TXNDC5: variants seen among roughly 807,000 people sequenced by gnomAD.
TXNDC5 encodes thioredoxin domain-containing protein 5.
A neutral mutation model predicts 52.6 loss-of-function variants in TXNDC5; 44 were observed. The ratio of observed to expected loss-of-function variants is 0.84; its 90% CI spans 0.66 to 1.08. The LOEUF (loss-of-function observed/expected upper bound fraction) is 1.08, where lower values mean the gene tolerates loss of function less well. Ranked by LOEUF, TXNDC5 falls within the 50% of genes least tolerant of loss-of-function variation. The pLI is 0.00. For missense variants in TXNDC5, 600 were observed against 565.5 expected (o/e 1.06, Z -0.62); for synonymous variants, 241 against 234.4 (o/e 1.03, Z -0.26).
intron 7 of TXNDC5, among the ~76,000 whole-genome samples, chr6:7,888,275 G>A (rs902055355): frequency 6.6e-6 from 1 of 152,152 alleles, no homozygotes; most frequent in Non-Finnish European, 1.5e-5. Flanking sequence ...TTGGCTACAG[G>A]TCTTCTAGGG....
chr6:7,894,781 C>G, intron 4 of TXNDC5: 1 of 985,442 alleles, frequency 1.0e-6, no homozygotes. Flanking sequence ...TGCAGTATCT[C>G]CAAAGTGCAA....
In TXNDC5 at chr6:7,883,168, C is replaced by CAGGACAAAG. The variant is rs1759828584; in HGVS notation, c.1266_1274dup (p.Phe423_Leu425dup). 1 of 1,614,180 alleles carries CAGGACAAAG rather than the reference C, an allele frequency of 6.2e-7. No homozygotes were observed. Among genetic ancestry groups the CAGGACAAAG allele is most frequent in the East Asian group, 2.2e-5 (1 of 44,884 alleles). On this transcript the variant is annotated inframe_insertion, in exon 10 of 10. Coordinates refer to ENST00000379757, the MANE Select transcript of TXNDC5 (RefSeq NM_030810.5). ...CCTAAAGTTCGTCTTTCGCTTGGCT[C>CAGGACAAAG]AGGACAAAGCGGTGTAACGAGTCAA...
intron 3 of TXNDC5, among the ~76,000 whole-genome samples, chr6:7,899,367 C>A (rs574377175): frequency 6.6e-6 from 1 of 152,182 alleles, no homozygotes; most frequent in Non-Finnish European, 1.5e-5. Flanking sequence ...CTTTTGTGCA[C>A]ATTTAGGTAT....
chr6:7,901,207 T>A (rs193142576), intron 2 of TXNDC5, among the ~76,000 whole-genome samples: 2 of 152,150 alleles, frequency 1.3e-5, no homozygotes, highest in Admixed American at 6.5e-5. Flanking sequence ...TTCAACATGA[T>A]AAGCAACTGC....
chr6:7,903,126 G>A (rs892654631), intron 2 of TXNDC5, among the ~76,000 whole-genome samples: 7 of 152,190 alleles, frequency 4.6e-5, no homozygotes, highest in African/African-American at 1.7e-4. Flanking sequence ...CACCCCTGCT[G>A]CCCCTGAACT....
Position 7,891,688 on chromosome 6 carries a change from G to A in TXNDC5, c.665C>T (p.Ala222Val). Residue 222 changes from alanine to valine, a missense_variant, in exon 5 of 10, where the codon GCC becomes GTC. Coordinates refer to ENST00000379757, the MANE Select transcript of TXNDC5 (RefSeq NM_030810.5). Reference protein sequence around the residue: ...FFAPWCGHCKALAPTWEQLAL... With the variant: ...FFAPWCGHCKVLAPTWEQLAL... ...CAGCTGCTCCCAGGTTGGAGCCAGG[G>A]CTTTGCAGTGACCACACCACGGAGC... is the stretch of plus-strand genomic sequence containing the variant. 1 of 1,614,040 alleles carries A rather than the reference G, an allele frequency of 6.2e-7. No individual in the cohort carries two copies. The highest frequency in any genetic ancestry group is 8.5e-7 in the Non-Finnish European group (1 of 1,179,930).
At chr6:7,894,633 A>G (rs1760305107) in intron 4 of TXNDC5, 1 of 818,208 alleles carries the variant, frequency 1.2e-6, no homozygotes, top group Admixed American at 6.2e-5. Context: ...ACTTCTTTAA[A>G]AACAATGTAC....
In TXNDC5 at chr6:7,895,167, G is replaced by C. The variant is rs771055489; in HGVS notation, c.555C>G (p.Pro185=). 6.2e-7 allele frequency: 1 copy of C among 1,613,456 alleles called. No homozygotes were observed. The highest frequency in any genetic ancestry group is 2.2e-5 in the East Asian group (1 of 44,868). ...PEPEVEPPSA[P]ELKQGLYELS... is the part of the protein sequence containing the mutation. ...GCTCATACAGCCCTTGCTTGAGCTC[G>C]GGGGCACTGGGCGGTTCCACTTCCG... The change falls in exon 4 of 10, where the codon CCC becomes CCG. Residue 185 remains proline, a synonymous_variant. Transcript: ENST00000379757.
At chr6:7,897,960 A>G (rs558747589) in intron 3 of TXNDC5, among the ~76,000 whole-genome samples, 1 of 152,320 alleles carries the variant, frequency 6.6e-6, no homozygotes, top group South Asian at 2.1e-4. Flanking sequence ...CAAAGATGCA[A>G]ATTTCCTGAG....
At chr6:7,908,924 T>TC (rs543493956) in intron 1 of TXNDC5, among the ~76,000 whole-genome samples, 2 of 152,328 alleles carry the variant, frequency 1.3e-5, no homozygotes, top group East Asian at 3.9e-4. Flanking sequence ...AGTAGTACAC[T>TC]TAATTGAAAT....
Position 7,895,092 on chromosome 6 carries a change from G to C in TXNDC5, c.616+14C>G, listed in dbSNP as rs533504430. 1 of 1,612,688 alleles carries C rather than the reference G, an allele frequency of 6.2e-7. No homozygotes were observed. The highest frequency in any genetic ancestry group is 8.5e-7 in the Non-Finnish European group (1 of 1,179,334). On this transcript the variant is annotated intron_variant, in intron 4 of 9. Coordinates refer to ENST00000379757, the MANE Select transcript of TXNDC5 (RefSeq NM_030810.5). ...AGTGATTCTCTGAAGCTGGCATCAG[G>C]ACGTCCCCCTTACCTTGTGCAACGT...
chr6:7,890,723 A>G (rs1353339403), intron 5 of TXNDC5, among the ~76,000 whole-genome samples: 1 of 152,184 alleles, frequency 6.6e-6, no homozygotes, highest in African/African-American at 2.4e-5. Flanking sequence ...CTGACAACAA[A>G]AGTGATTACA....
In TXNDC5 at chr6:7,910,781, G is replaced by T; in HGVS notation, c.-5C>A. 1 of 986,206 alleles carries T rather than the reference G, an allele frequency of 1.0e-6. No homozygotes were observed. The highest frequency in any genetic ancestry group is 4.5e-5 in the South Asian group (1 of 22,148). The allele number at this position is 986,206 out of a possible 1,614,324, so 61.1% of individuals were successfully genotyped here. ...GCGTCCTGGGCGCGCGGGCATCGCG[G>T]CGGGGCTGGGCGCGCTCTCGCCGCG... On this transcript the variant is annotated 5_prime_UTR_variant, in exon 1 of 10. Coordinates refer to ENST00000379757, the MANE Select transcript of TXNDC5 (RefSeq NM_030810.5).
intron 1 of TXNDC5, among the ~76,000 whole-genome samples, chr6:7,907,030 C>T (rs1760759099): frequency 6.6e-6 from 1 of 152,192 alleles, no homozygotes; most frequent in Non-Finnish European, 1.5e-5. Flanking sequence ...CGGTGTCCAA[C>T]AAGGCACCTT....
chr6:7,883,249 C>T lies in TXNDC5; in HGVS notation c.1194G>A (p.Thr398=), dbSNP rs557188059. The change falls in exon 10 of 10, where the codon ACG becomes ACA. Residue 398 remains threonine (T), a synonymous_variant. Coordinates refer to ENST00000379757, the MANE Select transcript of TXNDC5 (RefSeq NM_030810.5). ...TCTTCCCTCCTCGGAAAAGCAATAA[C>T]GTGGGGTAGCCTCGTACCTTAAAAC... ...CSKYSVRGYP[T]LLLFRGGKKV... 35 of 1,614,144 alleles carry T rather than the reference C, an allele frequency of 2.2e-5. No individual in the cohort carries two copies. The highest frequency in any genetic ancestry group is 1.2e-4 in the South Asian group (11 of 91,074).
chr6:7,899,716 A>C, intron 2 of TXNDC5, 35 bp from the exon 3 acceptor site: 2 of 1,577,712 alleles, frequency 1.3e-6, no homozygotes, highest in Non-Finnish European at 1.7e-6. Context: ...CAGAGCAAAA[A>C]GAAAGTTGTC....
At chr6:7,899,037 G>A (rs1760472525) in intron 3 of TXNDC5, among the ~76,000 whole-genome samples, 1 of 152,130 alleles carries the variant, frequency 6.6e-6, no homozygotes, top group Non-Finnish European at 1.5e-5. Flanking sequence ...CGAGCCAGAG[G>A]GCTGCAGGTG....
intron 4 of TXNDC5, 116 bp from the exon 5 acceptor site, chr6:7,891,852 C>T (rs996479569): frequency 1.6e-5 from 11 of 683,350 alleles, no homozygotes; most frequent in Admixed American, 7.6e-5. Flanking sequence ...AATCTTAGTT[C>T]GGCATGAGCA....
chr6:7,895,705 A>C (rs1760347143), intron 3 of TXNDC5, among the ~76,000 whole-genome samples: 2 of 152,176 alleles, frequency 1.3e-5, no homozygotes, highest in South Asian at 4.2e-4. Flanking sequence ...GGACTGCTTG[A>C]GCCCAGCAGT....
Sources: allele counts gnomAD v4.1 joint callset (sites outside exome capture counted in the v4.1 genomes callset), GRCh38; gene constraint gnomAD v4.1.1; transcripts MANE v1.5; gene names NCBI Gene and HGNC (gene_info 2026-07-23, HGNC 2026-07-21).